The following COL15A1 variants were observed in gnomAD, a reference collection of about 807,000 sequenced individuals.
The protein encoded by COL15A1 is collagen alpha-1(XV) chain.
COL15A1 carries 111 observed loss-of-function variants against 165.9 expected under a neutral mutation model. That is an observed-to-expected ratio of 0.67 (90% confidence interval 0.57 to 0.78). The LOEUF is 0.78. COL15A1 is among the 30% of genes least tolerant of loss of function. The pLI is 0.00. For missense variants in COL15A1, 1,745 were observed against 1,789.7 expected, an observed-to-expected ratio of 0.98 and a Z score of 0.45; for synonymous variants, 659 against 674.8, an observed-to-expected ratio of 0.98 and a Z score of 0.36.
intron 5 of COL15A1, among the ~76,000 whole-genome samples, chr9:98,992,627 C>T (rs777150628): frequency 1.7e-4 from 26 of 152,236 alleles, no homozygotes; most frequent in African/African-American, 5.3e-4. Flanking sequence ...GCACTGAGGG[C>T]GAGCGAGGGC....
chr9:98,998,717 G>A lies in COL15A1; in HGVS notation c.952+1636G>A, dbSNP rs551451298. Among the ~76,000 whole-genome samples, 10 of 152,336 alleles carry A rather than the reference G, an allele frequency of 6.6e-5. No homozygotes were observed. In the East Asian group the frequency reaches 1.5e-3, roughly 23 times the overall value. On this transcript the variant is annotated intron_variant, in intron 6 of 41. Coordinates refer to ENST00000375001, the MANE Select transcript of COL15A1 (RefSeq NM_001855.5). ...GGGGTTAAGGTGAAGGGGCTGGGGC[G>A]AGGGCTTTCCTAGACTGAGAAGATG...
chr9:98,953,973 C>T, intron 2 of COL15A1, among the ~76,000 whole-genome samples: 1 of 152,238 alleles, frequency 6.6e-6, no homozygotes, highest in East Asian at 1.9e-4. Context: ...CTGTCCCAGG[C>T]ACTCTCTGGA....
chr9:99,025,130 A>G (rs1839102237), intron 15 of COL15A1, 131 bp downstream of exon 15: 2 of 664,274 alleles, frequency 3.0e-6, no homozygotes, highest in Non-Finnish European at 5.0e-6. Context: ...GCTGTTTGTA[A>G]ACAGAAATCC....
chr9:99,028,875 T>G (rs1839172381), intron 16 of COL15A1, among the ~76,000 whole-genome samples: 1 of 152,156 alleles, frequency 6.6e-6, no homozygotes, highest in Admixed American at 6.5e-5. Context: ...AAATGATACC[T>G]CAAAAAGAAT....
In COL15A1 at chr9:99,025,004, G is replaced by A. The variant is rs1454629569; in HGVS notation, c.1980+5G>A. The A allele has an allele frequency of 6.2e-7, 1 of 1,612,462 alleles. No homozygotes were observed. The highest frequency in any genetic ancestry group is 1.1e-5 in the South Asian group (1 of 90,848). ...GCTGGTGAACCTGGGCCCCCGGTGA[G>A]CAACTGAAGTCTTCTCCCCATCTCT... On this transcript the variant is annotated splice_donor_5th_base_variant and intron_variant, in intron 15 of 41. Transcript: ENST00000375001.
intron 2 of COL15A1, among the ~76,000 whole-genome samples, chr9:98,969,903 A>G (rs1838018079): frequency 6.6e-6 from 1 of 152,212 alleles, no homozygotes; most frequent in Admixed American, 6.5e-5. Flanking sequence ...ATTGGGAACA[A>G]AAAGAGTGGG....
chr9:98,990,201 C>T (rs761955730), intron 5 of COL15A1, among the ~76,000 whole-genome samples: 5 of 152,136 alleles, frequency 3.3e-5, no homozygotes, highest in African/African-American at 7.2e-5. Context: ...CAGAGGTGTA[C>T]GGAAAACTGC....
chr9:99,000,218 C>A (rs567224825), intron 6 of COL15A1, among the ~76,000 whole-genome samples: 18 of 152,012 alleles, frequency 1.2e-4, no homozygotes, highest in Non-Finnish European at 2.4e-4. Context: ...GTTGTATAAA[C>A]CAGAAAAATA....
At position 98,948,415 on chromosome 9, in the gene COL15A1, G is replaced by A. The variant is rs945842771; in HGVS notation, c.100+4165G>A. Among the ~76,000 whole-genome samples the A allele has an allele frequency of 7.2e-5, 11 of 151,940 alleles. No individual in the cohort carries two copies. In the South Asian group the frequency reaches 1.5e-3, roughly 20 times the overall value. On this transcript the variant is annotated intron_variant, in intron 2 of 41. Transcript: ENST00000375001. ...AGATTGAGACCATCCTAGCTAACAC[G>A]GTGAAACCCTGTCTCTACTAAAAAT...
chr9:98,962,631 A>G (rs188371887), intron 2 of COL15A1, among the ~76,000 whole-genome samples: 1 of 152,368 alleles, frequency 6.6e-6, no homozygotes, highest in Admixed American at 6.5e-5. Context: ...GGCTAGACTC[A>G]GGCCCTCAGG....
Position 99,061,127 on chromosome 9 carries a change from T to C in COL15A1, c.3403-844T>C, listed in dbSNP as rs59469161. 5.9e-5 allele frequency among the ~76,000 whole-genome samples: 9 copies of C among 152,360 alleles called. No homozygotes were observed. The East Asian group carries it at 1.7e-3, about 29-fold the overall frequency. On this transcript the variant is annotated intron_variant, in intron 36 of 41. Coordinates refer to ENST00000375001, the MANE Select transcript of COL15A1 (RefSeq NM_001855.5). ...AGGAGTCCAAAAATGCTCTTTGATC[T>C]TTGCTGGATGTTAGTTGCAAAATTT...
At chr9:99,007,336 C>T (rs1323728972) in intron 9 of COL15A1, among the ~76,000 whole-genome samples, 2 of 152,140 alleles carry the variant, frequency 1.3e-5, no homozygotes, top group Non-Finnish European at 2.9e-5. Flanking sequence ...GCCGTTTTGC[C>T]CTAAGCAATT....
At chr9:99,024,817 CTCAGTA>C (rs1839092546) in intron 14 of COL15A1, 51 bp from the exon 15 acceptor site, 2 of 1,569,506 alleles carry the variant, frequency 1.3e-6, no homozygotes, top group Non-Finnish European at 1.7e-6. Flanking sequence ...GAAGCACATA[CTCAGTA>C]TCTCATTCGG....
chr9:99,002,418 G>C (rs946642143), intron 7 of COL15A1, among the ~76,000 whole-genome samples: 1 of 152,150 alleles, frequency 6.6e-6, no homozygotes, highest in Non-Finnish European at 1.5e-5. Flanking sequence ...GAGAAGAACC[G>C]CAGTACACTG....
At chr9:99,027,979 A>G (rs942740872) in intron 16 of COL15A1, among the ~76,000 whole-genome samples, 3 of 152,252 alleles carry the variant, frequency 2.0e-5, no homozygotes, top group Non-Finnish European at 2.9e-5. Context: ...ATAAGATCCA[A>G]TGATTCGTTT....
intron 2 of COL15A1, among the ~76,000 whole-genome samples, chr9:98,945,217 G>A (rs1427044301): frequency 6.6e-6 from 1 of 152,174 alleles, no homozygotes; most frequent in Non-Finnish European, 1.5e-5. Flanking sequence ...TTCAGGGAGT[G>A]GTCATGTGTG....
chr9:99,024,268 G>GTTTTTTTTTTTTTTTT lies in COL15A1; in HGVS notation c.1855-598_1855-597insTTTTTTTTTTTTTTTT, dbSNP rs201734908. ...TAAAAACAAGGCTACACCACAAGCA[G>GTTTTTTTTTTTTTTTT]TTTTTTTTGTTTTTTTGTTTTTTTT... On this transcript the variant is annotated intron_variant, in intron 14 of 41. Coordinates refer to ENST00000375001, the MANE Select transcript of COL15A1 (RefSeq NM_001855.5). Among the ~76,000 whole-genome samples, 116 of 131,454 alleles carry GTTTTTTTTTTTTTTTT rather than the reference G, an allele frequency of 8.8e-4. 3 individuals carry two copies. The highest frequency in any genetic ancestry group is 1.3e-3 in the Non-Finnish European group (80 of 62,930). The allele number at this position is 131,454 out of a possible 152,430, so 86.2% of individuals were successfully genotyped here.
At chr9:98,946,748 A>G (rs1187747768) in intron 2 of COL15A1, among the ~76,000 whole-genome samples, 2 of 152,246 alleles carry the variant, frequency 1.3e-5, no homozygotes, top group Non-Finnish European at 2.9e-5. Context: ...GAATGAGCTC[A>G]GTCAATCATC....
intron 35 of COL15A1, among the ~76,000 whole-genome samples, chr9:99,056,726 A>G (rs1261549160): frequency 6.6e-6 from 1 of 151,806 alleles, no homozygotes; most frequent in African/African-American, 2.4e-5. Context: ...CCTCTCCTCC[A>G]CCAGATCTGG....
Sources: allele counts gnomAD v4.1 joint callset (sites outside exome capture counted in the v4.1 genomes callset), GRCh38; gene constraint gnomAD v4.1.1; transcripts MANE v1.5; gene names NCBI Gene and HGNC (gene_info 2026-07-23, HGNC 2026-07-21).